SNX24: variants seen among roughly 807,000 people sequenced by gnomAD.
SNX24 encodes sorting nexin 24, also known as sorting nexin-24.
A neutral mutation model predicts 28.7 loss-of-function variants in SNX24; 22 were observed. The observed-to-expected ratio is 0.77, with a 90% CI of 0.55 to 1.10. The LOEUF is 1.10. SNX24 is among the 50% of genes least tolerant of loss of function. The pLI is 0.00. For missense variants in SNX24, 221 were observed against 201.1 expected (o/e 1.10, Z -0.60); for synonymous variants, 69 against 71.5 (o/e 0.96, Z 0.18).
intron 3 of SNX24, among the ~76,000 whole-genome samples, chr5:122,952,870 C>T (rs1760014640): frequency 6.6e-6 from 1 of 152,062 alleles, no homozygotes; most frequent in Non-Finnish European, 1.5e-5. Flanking sequence ...AAAACTGTTC[C>T]ATAAAGCACA....
intron 5 of SNX24, among the ~76,000 whole-genome samples, chr5:123,019,481 T>A (rs1268750192): frequency 2.0e-5 from 3 of 152,190 alleles, no homozygotes; most frequent in Non-Finnish European, 4.4e-5. Flanking sequence ...GGTTGGTGAG[T>A]CCTGTTCAAA....
At chr5:122,855,360 G>A (rs1215298089) in intron 1 of SNX24, among the ~76,000 whole-genome samples, 2 of 152,096 alleles carry the variant, frequency 1.3e-5, no homozygotes, top group Non-Finnish European at 2.9e-5. Flanking sequence ...GAGCCACCAC[G>A]CCCAGCCGAC....
chr5:122,982,861 A>G (rs972999838), intron 3 of SNX24, among the ~76,000 whole-genome samples: 4 of 152,218 alleles, frequency 2.6e-5, no homozygotes, highest in African/African-American at 7.2e-5. Context: ...TGTATTATCT[A>G]TAATGGATAA....
intron 3 of SNX24, among the ~76,000 whole-genome samples, chr5:122,949,078 C>T (rs1759821453): frequency 6.6e-6 from 1 of 152,130 alleles, no homozygotes; most frequent in Non-Finnish European, 1.5e-5. Flanking sequence ...CAAGAAAGGT[C>T]AAATTACCTA....
chr5:122,849,358 T>G lies in SNX24; in HGVS notation c.60+3665T>G, dbSNP rs541058713. ...GATTCTCAGCCCATATAGAAGCTGC[T>G]CAGAGCTAGGCCGGGAAAGGTTAGG... On this transcript the variant is annotated intron_variant, in intron 1 of 6. Transcript: ENST00000261369. 2.0e-5 allele frequency among the ~76,000 whole-genome samples: 3 copies of G among 152,224 alleles called. No homozygotes were observed. In the East Asian group the frequency reaches 5.8e-4, roughly 29 times the overall value.
At chr5:122,945,108 A>C (rs246274) in intron 2 of SNX24, among the ~76,000 whole-genome samples, 117,010 of 152,094 alleles carry the variant, frequency 0.77, 45,887 homozygotes, top group East Asian at 0.99. Flanking sequence ...GCTCTAGAGG[A>C]TCTAGGGCAG....
downstream of SNX24, among the ~76,000 whole-genome samples, chr5:123,012,282 A>G (rs961013484): frequency 2.0e-5 from 3 of 152,226 alleles, no homozygotes; most frequent in African/African-American, 7.2e-5. Flanking sequence ...GCATATATTC[A>G]TAGTAGCCAA....
At chr5:122,916,927 G>C (rs1000360401) in intron 1 of SNX24, among the ~76,000 whole-genome samples, 1 of 152,110 alleles carries the variant, frequency 6.6e-6, no homozygotes, top group African/African-American at 2.4e-5. Context: ...CTGTTATTGA[G>C]ATCTAGAAAA....
chr5:122,976,241 T>C (rs989353195), intron 3 of SNX24, among the ~76,000 whole-genome samples: 1 of 151,360 alleles, frequency 6.6e-6, no homozygotes, highest in African/African-American at 2.4e-5. Context: ...CATTCACAAT[T>C]TGGAGGTCCG....
chr5:122,870,713 C>T (rs1746999947), intron 1 of SNX24, among the ~76,000 whole-genome samples: 1 of 152,140 alleles, frequency 6.6e-6, no homozygotes, highest in Admixed American at 6.5e-5. Context: ...TGTAAGCGGG[C>T]ATGCACGTGT....
chr5:122,892,738 C>G (rs1474061414), intron 1 of SNX24, among the ~76,000 whole-genome samples: 1 of 150,892 alleles, frequency 6.6e-6, no homozygotes, highest in Non-Finnish European at 1.5e-5. Flanking sequence ...GTGCCCAGCC[C>G]ATTTCCTTTA....
chr5:122,874,631 T>C (rs1459092269), intron 1 of SNX24, among the ~76,000 whole-genome samples: 1 of 152,246 alleles, frequency 6.6e-6, no homozygotes, highest in Non-Finnish European at 1.5e-5. Context: ...CCAGCTGTTA[T>C]GAATCAGAAA....
At chr5:123,026,857 C>T (rs897195055) in intron 5 of SNX24, among the ~76,000 whole-genome samples, 2 of 152,186 alleles carry the variant, frequency 1.3e-5, no homozygotes, top group Non-Finnish European at 2.9e-5. Flanking sequence ...TGTAGGGCCC[C>T]TTATCTATCA....
At chr5:122,904,837 G>A (rs944948152) in intron 1 of SNX24, among the ~76,000 whole-genome samples, 2 of 152,092 alleles carry the variant, frequency 1.3e-5, no homozygotes, top group African/African-American at 4.8e-5. Flanking sequence ...GAGTTTAACT[G>A]GGAAAAAAAT....
In SNX24 at chr5:123,002,004, G is replaced by T; in HGVS notation, c.442G>T (p.Asp148Tyr). ...RDPYVLPAAS[D>Y]FPNVVIEGVL... ...TCCATATGTCTTGCCTGCAGCCAGC[G>T]GTAATCAAACCTGTCATCTGCTAAC... The change falls in exon 6 of 7, where the codon GAT becomes TAT. Residue 148 changes from aspartate to tyrosine, a missense_variant and splice_region_variant. Asp to Tyr is a radical substitution (Grantham distance 160). Transcript: ENST00000261369. The T allele has an allele frequency of 1.2e-6, 2 of 1,613,140 alleles. No homozygotes were observed. Among genetic ancestry groups the T allele is most frequent in the Non-Finnish European group, 1.7e-6 (2 of 1,179,216 alleles).
chr5:122,954,306 A>G (rs1211722460), intron 3 of SNX24, among the ~76,000 whole-genome samples: 1 of 151,990 alleles, frequency 6.6e-6, no homozygotes, highest in African/African-American at 2.4e-5. Flanking sequence ...GTAGGTGTAT[A>G]TATTTATGAA....
At chr5:122,914,424 G>GTT (rs1297417277) in intron 1 of SNX24, among the ~76,000 whole-genome samples, 1 of 152,004 alleles carries the variant, frequency 6.6e-6, no homozygotes, top group Non-Finnish European at 1.5e-5. Flanking sequence ...ATGAGTTAGG[G>GTT]AGGATTCCCT....
chr5:122,942,771 T>G (rs1759513477), intron 2 of SNX24, among the ~76,000 whole-genome samples: 1 of 152,182 alleles, frequency 6.6e-6, no homozygotes, highest in South Asian at 2.1e-4. Context: ...GTATTTATCT[T>G]GTAAGCAGCT....
intron 1 of SNX24, among the ~76,000 whole-genome samples, chr5:122,917,060 A>G (rs186850695): frequency 1.3e-5 from 2 of 152,234 alleles, no homozygotes; most frequent in Non-Finnish European, 2.9e-5. Flanking sequence ...CGAGGTCAAG[A>G]GATAGAGACC....
Sources: allele counts gnomAD v4.1 joint callset (sites outside exome capture counted in the v4.1 genomes callset), GRCh38; gene constraint gnomAD v4.1.1; transcripts MANE v1.5; gene names NCBI Gene and HGNC (gene_info 2026-07-23, HGNC 2026-07-21).